Variants in WWOX observed in about 807,000 individuals in gnomAD.
WWOX encodes the protein WW domain containing oxidoreductase.
WWOX carries 69 observed loss-of-function variants against 46.2 expected under a neutral mutation model. The observed-to-expected ratio is 1.49, with a 90% confidence interval of 1.23 to 1.82. WWOX has a LOEUF of 1.82. WWOX is among the 40% of genes most tolerant of loss of function. WWOX has a pLI of 0.00. For synonymous variants in WWOX, 359 were observed against 202.6 expected, an observed-to-expected ratio of 1.77 and a Z score of -6.56; for missense variants, 919 against 542.6, an observed-to-expected ratio of 1.69 and a Z score of -6.89.
chr16:78,635,287 G>A (rs766751005), intron 8 of WWOX, among the ~76,000 whole-genome samples: 1 of 152,102 alleles, frequency 6.6e-6, no homozygotes, highest in South Asian at 2.1e-4. Context: ...CAGATGCCTG[G>A]TTGTCCCTTT....
At chr16:79,133,105 G>A (rs754968771) in intron 8 of WWOX, among the ~76,000 whole-genome samples, 9 of 152,118 alleles carry the variant, frequency 5.9e-5, no homozygotes, top group Non-Finnish European at 8.8e-5. Flanking sequence ...TAGTTTCTTC[G>A]TCTTACATAA....
chr16:78,112,906 A>T (rs181208568), intron 3 of WWOX, among the ~76,000 whole-genome samples: 1 of 151,954 alleles, frequency 6.6e-6, no homozygotes, highest in Non-Finnish European at 1.5e-5. Context: ...GAGGCTCAGT[A>T]TGTTGCCCAG....
intron 8 of WWOX, among the ~76,000 whole-genome samples, chr16:78,704,039 C>T (rs1318909642): frequency 6.6e-6 from 1 of 152,134 alleles, no homozygotes; most frequent in Non-Finnish European, 1.5e-5. Flanking sequence ...TATCCATCTC[C>T]AAGTGAACTT....
At chr16:78,559,573 C>A (rs1045173510) in intron 8 of WWOX, among the ~76,000 whole-genome samples, 2 of 152,196 alleles carry the variant, frequency 1.3e-5, no homozygotes, top group Non-Finnish European at 2.9e-5. Flanking sequence ...AAAAAAGAGG[C>A]TCTAAGTGCG....
At chr16:78,236,250 A>C (rs1482329079) in intron 5 of WWOX, among the ~76,000 whole-genome samples, 1 of 152,232 alleles carries the variant, frequency 6.6e-6, no homozygotes, top group Non-Finnish European at 1.5e-5. Flanking sequence ...CTATGACATC[A>C]TTTATGCAAA....
intron 8 of WWOX, among the ~76,000 whole-genome samples, chr16:78,995,465 C>T (rs777117237): frequency 2.0e-5 from 3 of 152,004 alleles, no homozygotes; most frequent in East Asian, 1.9e-4. Flanking sequence ...TTCACAGTGC[C>T]GATTGGTAAA....
rs35798902 is a variant in WWOX, at chr16:78,833,034, C to CT, written c.1057-378557dup. Reference sequence around the variant, plus strand: ...GCCAGGCTCAGCCTTTTCTCTCGATCTTTTTTTTTTTTTTTTTCCTTTCTT... The same window carrying CT: ...GCCAGGCTCAGCCTTTTCTCTCGATCTTTTTTTTTTTTTTTTTTCCTTTCTT... On this transcript the variant is annotated intron_variant, in intron 8 of 8. Coordinates refer to ENST00000566780, the MANE Select transcript of WWOX (RefSeq NM_016373.4). Among the ~76,000 whole-genome samples, 154 of 139,604 alleles carry CT rather than the reference C, an allele frequency of 1.1e-3. 1 individual carries two copies. Among genetic ancestry groups the CT allele is most frequent in the East Asian group, 4.0e-3 (19 of 4,734 alleles). The allele number at this position is 139,604 out of a possible 152,430, so 91.6% of individuals were successfully genotyped here.
intron 4 of WWOX, among the ~76,000 whole-genome samples, chr16:78,142,643 T>C (rs1196869804): frequency 6.6e-6 from 1 of 152,200 alleles, no homozygotes; most frequent in Non-Finnish European, 1.5e-5. Context: ...AATAAATAAA[T>C]CGTTTTCCTT....
chr16:78,125,753 T>G (rs28516595), intron 4 of WWOX, among the ~76,000 whole-genome samples: 1,882 of 152,286 alleles, frequency 0.012, 38 homozygotes, highest in African/African-American at 0.043. Flanking sequence ...CACTTTGGTA[T>G]TATGATTGTA....
chr16:78,447,845 C>G (rs74991210), intron 8 of WWOX, among the ~76,000 whole-genome samples: 2,402 of 152,220 alleles, frequency 0.016, 63 homozygotes, highest in African/African-American at 0.055. Flanking sequence ...CTTGTGTCAT[C>G]CAGGCTGAAG....
chr16:78,452,559 T>G (rs2083718719), intron 8 of WWOX, among the ~76,000 whole-genome samples: 1 of 146,704 alleles, frequency 6.8e-6, no homozygotes, highest in African/African-American at 2.5e-5. Context: ...CATTGCAACC[T>G]CTGACTCCCA....
intron 8 of WWOX, among the ~76,000 whole-genome samples, chr16:79,123,113 C>T (rs1025875735): frequency 2.6e-5 from 4 of 152,110 alleles, no homozygotes; most frequent in Admixed American, 1.3e-4. Flanking sequence ...TCTGTGCGTG[C>T]TGTATAAGGA....
At chr16:78,159,396 T>C (rs1169222799) in intron 4 of WWOX, among the ~76,000 whole-genome samples, 1 of 152,104 alleles carries the variant, frequency 6.6e-6, no homozygotes, top group African/African-American at 2.4e-5. Context: ...TCCATACTGT[T>C]TTTCATAATG....
chr16:78,966,904 G>C (rs546809493), intron 8 of WWOX, among the ~76,000 whole-genome samples: 3 of 152,280 alleles, frequency 2.0e-5, no homozygotes, highest in South Asian at 4.2e-4. Flanking sequence ...GATTGAATGA[G>C]TTTGTAGATA....
chr16:78,627,976 A>G (rs1171977588), intron 8 of WWOX, among the ~76,000 whole-genome samples: 4 of 152,218 alleles, frequency 2.6e-5, no homozygotes, highest in African/African-American at 7.2e-5. Context: ...ACAAACTGGC[A>G]TTTGTCCTTG....
intron 5 of WWOX, among the ~76,000 whole-genome samples, chr16:78,358,626 C>G (rs986010092): frequency 6.6e-6 from 1 of 152,004 alleles, no homozygotes; most frequent in Admixed American, 6.6e-5. Flanking sequence ...CTACTGCACT[C>G]CAGCCTGAGC....
intron 8 of WWOX, among the ~76,000 whole-genome samples, chr16:78,547,149 A>AAAAAAAAAAAC (rs1567635742): frequency 3.8e-5 from 4 of 105,012 alleles, no homozygotes; most frequent in Non-Finnish European, 4.5e-5. Flanking sequence ...AAAAAAAAAA[A>AAAAAAAAAAAC]AAAAAAAAAA....
chr16:78,120,877 A>T (rs573464294), intron 4 of WWOX, among the ~76,000 whole-genome samples: 2 of 152,156 alleles, frequency 1.3e-5, no homozygotes, highest in Admixed American at 6.5e-5. Context: ...ACACTTCCCA[A>T]TTATGGACTA....
chr16:78,733,040 G>A (rs1486095758), intron 8 of WWOX, among the ~76,000 whole-genome samples: 1 of 151,904 alleles, frequency 6.6e-6, no homozygotes, highest in Non-Finnish European at 1.5e-5. Context: ...TGCTTTTACG[G>A]TTTTCACATT....
Sources: allele counts gnomAD v4.1 joint callset (sites outside exome capture counted in the v4.1 genomes callset), GRCh38; gene constraint gnomAD v4.1.1; transcripts MANE v1.5; gene names NCBI Gene and HGNC (gene_info 2026-07-23, HGNC 2026-07-21).